Variants in ITPK1 observed in about 807,000 individuals in gnomAD.
The protein encoded by ITPK1 is inositol 1,3,4-trisphosphate 5/6-kinase.
A neutral mutation model predicts 45.3 loss-of-function variants in ITPK1; 21 were observed. That is an observed-to-expected ratio of 0.46 (90% CI 0.33 to 0.67). The LOEUF is 0.67. Ranked by LOEUF, ITPK1 falls within the 30% of genes least tolerant of loss-of-function variation. ITPK1 has a pLI of 0.02. For missense variants in ITPK1, 474 were observed against 573.5 expected, an observed-to-expected ratio of 0.83 and a Z score of 1.77; for synonymous variants, 258 against 253.6, an observed-to-expected ratio of 1.02 and a Z score of -0.16.
At chr14:93,025,280 G>A (rs1331968413) in intron 3 of ITPK1, among the ~76,000 whole-genome samples, 2 of 152,214 alleles carry the variant, frequency 1.3e-5, no homozygotes, top group Non-Finnish European at 2.9e-5. Context: ...GTGGGGGCAA[G>A]CAGACAGTGG....
intron 2 of ITPK1, among the ~76,000 whole-genome samples, chr14:93,083,492 G>T (rs1040712339): frequency 1.3e-5 from 2 of 152,198 alleles, no homozygotes; most frequent in Admixed American, 6.5e-5. Flanking sequence ...ACTCGGGGAA[G>T]TGGGAAGCCA....
At chr14:93,064,546 G>A (rs1015230413) in intron 3 of ITPK1, among the ~76,000 whole-genome samples, 2 of 152,208 alleles carry the variant, frequency 1.3e-5, no homozygotes, top group East Asian at 1.9e-4. Flanking sequence ...CACCCCAGGC[G>A]GCTTCTGTAG....
At chr14:93,022,860 A>G (rs1463957570) in intron 3 of ITPK1, among the ~76,000 whole-genome samples, 2 of 152,146 alleles carry the variant, frequency 1.3e-5, no homozygotes, top group African/African-American at 2.4e-5. Flanking sequence ...CAAAAAAACA[A>G]AAACAAAGAA....
chr14:92,960,425 T>G (rs560236544), intron 7 of ITPK1, among the ~76,000 whole-genome samples: 1 of 152,278 alleles, frequency 6.6e-6, no homozygotes, highest in Non-Finnish European at 1.5e-5. Context: ...CAGGCAACCC[T>G]GGCAGTGACC....
intron 3 of ITPK1, among the ~76,000 whole-genome samples, chr14:93,057,724 TCCTGCGGCCCCAG>T (rs1397127978): frequency 7.2e-5 from 11 of 152,130 alleles, no homozygotes; most frequent in Non-Finnish European, 1.5e-4. Context: ...GACCCCAGTC[TCCTGCGGCCCCAG>T]CCTGCAGCAC....
chr14:93,010,189 C>G (rs1300137435), intron 4 of ITPK1, among the ~76,000 whole-genome samples: 1 of 152,224 alleles, frequency 6.6e-6, no homozygotes, highest in Non-Finnish European at 1.5e-5. Context: ...AAAGCCGACA[C>G]AAGCCCACTT....
At chr14:93,007,194 C>T (rs963547193) in intron 4 of ITPK1, among the ~76,000 whole-genome samples, 6 of 152,232 alleles carry the variant, frequency 3.9e-5, no homozygotes, top group South Asian at 2.1e-4. Context: ...AGCAGCCCCA[C>T]GCCCCCTAAG....
intron 2 of ITPK1, among the ~76,000 whole-genome samples, chr14:93,098,425 C>CCAA (rs1244957780): frequency 1.1e-4 from 17 of 150,846 alleles, no homozygotes; most frequent in African/African-American, 3.9e-4. Flanking sequence ...CTGCCGCACT[C>CCAA]CAACCTGGGC....
At chr14:93,022,150 G>A (rs1233438852) in intron 3 of ITPK1, among the ~76,000 whole-genome samples, 2 of 152,204 alleles carry the variant, frequency 1.3e-5, no homozygotes. Flanking sequence ...GGATGGGCCA[G>A]TCCTGTTCTG....
chr14:93,054,855 C>G (rs1890156379), intron 3 of ITPK1, among the ~76,000 whole-genome samples: 1 of 152,130 alleles, frequency 6.6e-6, no homozygotes, highest in Non-Finnish European at 1.5e-5. Flanking sequence ...TGAAGTATAA[C>G]ATAAGAAAGG....
intron 3 of ITPK1, among the ~76,000 whole-genome samples, chr14:93,039,588 T>C (rs887049121): frequency 2.0e-5 from 3 of 152,220 alleles, no homozygotes; most frequent in Non-Finnish European, 4.4e-5. Flanking sequence ...CTCTGGAATC[T>C]TGAATCCGCT....
At chr14:92,989,088 C>CA (rs985522413) in intron 5 of ITPK1, among the ~76,000 whole-genome samples, 18 of 152,272 alleles carry the variant, frequency 1.2e-4, no homozygotes, top group African/African-American at 4.1e-4. Flanking sequence ...CACCCACCCC[C>CA]AAGGCAAAAG....
intron 2 of ITPK1, among the ~76,000 whole-genome samples, chr14:93,084,751 C>T (rs980761191): frequency 6.6e-6 from 1 of 152,154 alleles, no homozygotes; most frequent in Non-Finnish European, 1.5e-5. Flanking sequence ...CCTCTCAAAC[C>T]CTCCCAGGAG....
chr14:92,971,588 A>G (rs1885657076), intron 5 of ITPK1, among the ~76,000 whole-genome samples: 2 of 152,208 alleles, frequency 1.3e-5, no homozygotes, highest in Non-Finnish European at 2.9e-5. Flanking sequence ...TGTCAGTAAC[A>G]CGCCAAGGAA....
At chr14:93,002,688 T>C (rs900100558) in intron 4 of ITPK1, among the ~76,000 whole-genome samples, 2 of 151,968 alleles carry the variant, frequency 1.3e-5, no homozygotes, top group African/African-American at 4.8e-5. Flanking sequence ...GTAGATCCAG[T>C]TTGCGATTTC....
intron 2 of ITPK1, among the ~76,000 whole-genome samples, chr14:93,090,393 G>A (rs999703814): frequency 1.3e-5 from 2 of 152,150 alleles, no homozygotes; most frequent in African/African-American, 4.8e-5. Flanking sequence ...TGTTGGAAAG[G>A]GTGGTCAGAT....
chr14:92,953,568 T>C (rs1888060433), intron 8 of ITPK1, among the ~76,000 whole-genome samples: 1 of 152,220 alleles, frequency 6.6e-6, no homozygotes, highest in Admixed American at 6.5e-5. Flanking sequence ...CTCAGCCCCC[T>C]GAGCTCAGGG....
chr14:93,030,216 G>A (rs1302301916), intron 3 of ITPK1, among the ~76,000 whole-genome samples: 3 of 152,202 alleles, frequency 2.0e-5, no homozygotes, highest in South Asian at 2.1e-4. Flanking sequence ...GAGGTGACAC[G>A]TCCCACTTGA....
chr14:92,964,368 C>T (rs1223507015), intron 5 of ITPK1, among the ~76,000 whole-genome samples: 4 of 147,294 alleles, frequency 2.7e-5, no homozygotes, highest in Non-Finnish European at 6.0e-5. Context: ...CCAGGCTCAC[C>T]TGGCAGCACA....
Sources: gnomAD v4.1 joint callset for allele counts (sites outside exome capture counted in the v4.1 genomes callset) on GRCh38, gnomAD v4.1.1 for gene constraint, MANE v1.5 for transcripts, NCBI Gene and HGNC (gene_info 2026-07-23, HGNC 2026-07-21) for gene names.